ZBTB7C: variants seen among roughly 807,000 people sequenced by gnomAD.
ZBTB7C encodes zinc finger and BTB domain-containing protein 7C.
ZBTB7C carries 8 observed loss-of-function variants against 25.7 expected under a neutral mutation model. The ratio of observed to expected loss-of-function variants is 0.31; its 90% confidence interval spans 0.18 to 0.56. The LOEUF (loss-of-function observed/expected upper bound fraction) is 0.56, where lower values mean the gene tolerates loss of function less well. Among genes scored for constraint, ZBTB7C ranks in the 20% least tolerant of loss-of-function variants. The probability of loss-of-function intolerance (pLI) is 0.91; values close to 1 mark genes in which losing one functional copy is unlikely to be tolerated. For synonymous variants in ZBTB7C, 394 were observed against 369.0 expected (o/e 1.07, Z -0.78); for missense variants, 824 against 855.2 (o/e 0.96, Z 0.46).
chr18:48,210,973 T>C (rs930618841), intron 2 of ZBTB7C, among the ~76,000 whole-genome samples: 3 of 152,134 alleles, frequency 2.0e-5, no homozygotes, highest in African/African-American at 4.8e-5. Flanking sequence ...GAAGACAGCA[T>C]GGTATTGGTG....
intron 1 of ZBTB7C, among the ~76,000 whole-genome samples, chr18:48,394,631 T>C (rs570726574): frequency 7.5e-4 from 114 of 152,228 alleles, no homozygotes; most frequent in African/African-American, 2.6e-3. Context: ...TGCTTAGAAG[T>C]AGGGTAACGT....
intron 3 of ZBTB7C, among the ~76,000 whole-genome samples, chr18:48,114,645 G>A (rs886546971): frequency 6.6e-6 from 1 of 151,936 alleles, no homozygotes; most frequent in Non-Finnish European, 1.5e-5. Flanking sequence ...AATGTGCAAA[G>A]AAAGAAAACA....
chr18:48,308,972 C>G (rs7230558), intron 2 of ZBTB7C, among the ~76,000 whole-genome samples: 38,947 of 152,064 alleles, frequency 0.26, 5,973 homozygotes, highest in East Asian at 0.72. Context: ...GGCTGGGACC[C>G]CAGGAGCCCT....
At chr18:48,161,282 G>A (rs1007851533) in intron 3 of ZBTB7C, among the ~76,000 whole-genome samples, 2 of 152,088 alleles carry the variant, frequency 1.3e-5, no homozygotes, top group African/African-American at 4.8e-5. Flanking sequence ...CTCCAGGAGG[G>A]CTGGGAGTGG....
At chr18:48,283,391 G>A (rs931328675) in intron 2 of ZBTB7C, among the ~76,000 whole-genome samples, 1 of 152,066 alleles carries the variant, frequency 6.6e-6, no homozygotes, top group Non-Finnish European at 1.5e-5. Context: ...TCCCTGCAAT[G>A]AATAGACATC....
chr18:48,375,157 A>C (rs1417383579), intron 1 of ZBTB7C, among the ~76,000 whole-genome samples: 1 of 152,068 alleles, frequency 6.6e-6, no homozygotes, highest in Non-Finnish European at 1.5e-5. Context: ...CACTCCCCCT[A>C]CCCACCCTAC....
At position 48,388,828 on chromosome 18, in the gene ZBTB7C, A is replaced by T. The variant is rs114627630; in HGVS notation, c.-304+20398T>A. ...AGCTGGAAGAGAGATATTTGCACAG[A>T]TCATCTTATATGGAAGTAATTGGTA... On this transcript the variant is annotated intron_variant, in intron 1 of 4. Coordinates refer to ENST00000590800, the MANE Select transcript of ZBTB7C (RefSeq NM_001318841.2). Among the ~76,000 whole-genome samples, 567 of 152,354 alleles carry T rather than the reference A, an allele frequency of 3.7e-3. 3 individuals carry two copies. The highest frequency in any genetic ancestry group is 0.013 in the African/African-American group (534 of 41,590).
At chr18:48,312,854 T>C in intron 2 of ZBTB7C, among the ~76,000 whole-genome samples, 1 of 152,242 alleles carries the variant, frequency 6.6e-6, no homozygotes. Context: ...AGTTATATCC[T>C]GGGCTGTGGT....
chr18:48,302,279 T>A (rs565829348), intron 2 of ZBTB7C, among the ~76,000 whole-genome samples: 12 of 152,324 alleles, frequency 7.9e-5, no homozygotes, highest in Admixed American at 7.8e-4. Context: ...AGGATAGGGC[T>A]GTCAGATACT....
At chr18:48,280,018 T>G (rs2044785421) in intron 2 of ZBTB7C, among the ~76,000 whole-genome samples, 1 of 152,220 alleles carries the variant, frequency 6.6e-6, no homozygotes, top group Admixed American at 6.5e-5. Context: ...ATCTACTATG[T>G]GCCAGGCACT....
chr18:48,058,014 C>T (rs1343407076), intron 3 of ZBTB7C, among the ~76,000 whole-genome samples: 1 of 152,200 alleles, frequency 6.6e-6, no homozygotes, highest in East Asian at 1.9e-4. Context: ...GAATACATGA[C>T]TCCAGTTATC....
chr18:48,135,912 TG>T (rs1568246531), intron 3 of ZBTB7C, among the ~76,000 whole-genome samples: 2 of 152,244 alleles, frequency 1.3e-5, no homozygotes, highest in Non-Finnish European at 2.9e-5. Flanking sequence ...TGCGCGAAGC[TG>T]GGTACCAGCT....
In ZBTB7C at chr18:48,195,540, T is replaced by A. The variant is rs548162688; in HGVS notation, c.-78-9545A>T. Among the ~76,000 whole-genome samples the A allele has an allele frequency of 7.9e-5, 12 of 152,316 alleles. No individual in the cohort carries two copies. The South Asian group carries it at 2.5e-3, about 32-fold the overall frequency. On this transcript the variant is annotated intron_variant, in intron 2 of 4. Transcript: ENST00000590800. ...CTCCCCAGCCATGTGGAACTGTGAATCCATTAAACCTCTTTTTCTTTATAA... is the reference window on the plus strand; with the variant it reads ...CTCCCCAGCCATGTGGAACTGTGAAACCATTAAACCTCTTTTTCTTTATAA...
chr18:48,405,617 C>A lies in ZBTB7C; in HGVS notation c.-304+3609G>T, dbSNP rs1455763890. ...TGGATAAGATAAAAGTGTGGAAAATCCTTGTGTCCTAAATTCCCCTAGGGC... is the reference window on the plus strand; with the variant it reads ...TGGATAAGATAAAAGTGTGGAAAATACTTGTGTCCTAAATTCCCCTAGGGC... On this transcript the variant is annotated intron_variant, in intron 1 of 4. Transcript: ENST00000590800. 5.3e-5 allele frequency among the ~76,000 whole-genome samples: 8 copies of A among 152,200 alleles called. No homozygotes were observed. In the East Asian group the frequency reaches 1.5e-3, roughly 29 times the overall value.
intron 3 of ZBTB7C, chr18:48,088,502 G>A (rs1159271724): frequency 3.9e-5 from 6 of 152,240 alleles, no homozygotes; most frequent in Admixed American, 3.9e-4. Flanking sequence ...AGCCGATCAA[G>A]TGGTTCCATT....
chr18:48,129,198 T>C (rs2039905455), intron 3 of ZBTB7C, among the ~76,000 whole-genome samples: 1 of 151,990 alleles, frequency 6.6e-6, no homozygotes, highest in Non-Finnish European at 1.5e-5. Flanking sequence ...CCCGTTTCAC[T>C]GCCCTCCAAA....
chr18:48,265,459 G>A (rs2044285044), intron 2 of ZBTB7C, among the ~76,000 whole-genome samples: 1 of 152,196 alleles, frequency 6.6e-6, no homozygotes, highest in South Asian at 2.1e-4. Flanking sequence ...AGCTGGGCAA[G>A]TTATTTATGC....
chr18:48,050,500 G>A (rs925921580), intron 3 of ZBTB7C, among the ~76,000 whole-genome samples: 6 of 152,192 alleles, frequency 3.9e-5, no homozygotes, highest in Non-Finnish European at 8.8e-5. Context: ...AGCTGAGCCT[G>A]GCCCACTCAG....
chr18:48,161,678 C>T lies in ZBTB7C; in HGVS notation c.-17+24256G>A, dbSNP rs942195728. ...CCTGCCCGCAGCCCCCTTCCTGCAG[C>T]GTTCACTCGGCTGCCCGGCCCGGCC... On this transcript the variant is annotated intron_variant, in intron 3 of 4. Coordinates refer to ENST00000590800, the MANE Select transcript of ZBTB7C (RefSeq NM_001318841.2). Among the ~76,000 whole-genome samples the T allele has an allele frequency of 9.6e-5, 14 of 146,264 alleles. No individual in the cohort carries two copies. In the South Asian group the frequency reaches 2.6e-3, roughly 27 times the overall value.
Sources: allele counts gnomAD v4.1 joint callset (sites outside exome capture counted in the v4.1 genomes callset), GRCh38; gene constraint gnomAD v4.1.1; transcripts MANE v1.5; gene names NCBI Gene and HGNC (gene_info 2026-07-23, HGNC 2026-07-21).